Variants in ADAMTS4 observed in about 807,000 individuals in gnomAD.
ADAMTS4 encodes the protein ADAM metallopeptidase with thrombospondin type 1 motif 4.
In ADAMTS4, 38 loss-of-function variants were observed where a neutral mutation model predicts 66.7. The ratio of observed to expected loss-of-function variants is 0.57; its 90% CI spans 0.44 to 0.75. ADAMTS4 has a LOEUF of 0.75. Among genes scored for constraint, ADAMTS4 ranks in the 30% least tolerant of loss-of-function variants. The pLI is 0.00. For synonymous variants in ADAMTS4, 418 were observed against 461.5 expected, an observed-to-expected ratio of 0.91 and a Z score of 1.21; for missense variants, 1,014 against 1,116.7, an observed-to-expected ratio of 0.91 and a Z score of 1.31.
rs1033019479 is a variant in ADAMTS4 at position 161,186,333 on chromosome 1, C to T, written c.*4805G>A. Reference sequence around the variant, plus strand: ...TCTTGGAGGTGTGGTAAGGCAGAGACCATTCCAGAAAAGGGTCAGGCCTTG... The same window carrying T: ...TCTTGGAGGTGTGGTAAGGCAGAGATCATTCCAGAAAAGGGTCAGGCCTTG... On this transcript the variant is annotated 3_prime_UTR_variant, in exon 9 of 9. Transcript: ENST00000367996. 3 of 152,252 alleles carry T rather than the reference C, an allele frequency of 2.0e-5. No homozygotes were observed. Among genetic ancestry groups the T allele is most frequent in the Non-Finnish European group, 2.9e-5 (2 of 68,058 alleles). The allele number at this position is 152,252 out of a possible 1,614,324, so 9.4% of individuals were successfully genotyped here. A position where few individuals can be genotyped will look rare whatever the true frequency, so the allele number is the denominator to read the frequency against.
At position 161,188,123 on chromosome 1, in the gene ADAMTS4, G is replaced by A. The variant is rs945664303; in HGVS notation, c.*3015C>T. The A allele has an allele frequency of 2.8e-5, 4 of 145,028 alleles. No homozygotes were observed. Among genetic ancestry groups the A allele is most frequent in the African/African-American group, 1.0e-4 (4 of 39,156 alleles). 9.0% of individuals were successfully genotyped at this position (145,028 alleles called of 1,614,324 possible). A position where few individuals can be genotyped will look rare whatever the true frequency, so the allele number is the denominator to read the frequency against. On this transcript the variant is annotated 3_prime_UTR_variant, in exon 9 of 9. Coordinates refer to ENST00000367996, the MANE Select transcript of ADAMTS4 (RefSeq NM_005099.6). ...TGCCACCACACCTGGCTAATTTTTT[G>A]TATTTTTTTTTTAGTAGAGATGGGG...
rs745715821 is a variant in ADAMTS4, at chr1:161,193,844, G to A, written c.1549-18C>T. 18 of 1,586,876 alleles carry A rather than the reference G, an allele frequency of 1.1e-5. No individual in the cohort carries two copies. Among genetic ancestry groups the A allele is most frequent in the South Asian group, 2.3e-5 (2 of 86,024 alleles). On this transcript the variant is annotated intron_variant, in intron 5 of 8. Transcript: ENST00000367996. The surrounding 1 kb of genome is among the most constrained non-coding windows in gnomAD (Gnocchi z 4.4). ...TGTGGAATCTGCAAAGGCACAGAAC[G>A]GAAGTGGGGCATAAGTGAACTCTCT...
At position 161,195,614 on chromosome 1, in the gene ADAMTS4, T is replaced by C; in HGVS notation, c.1112A>G (p.His371Arg). The change falls in exon 4 of 9, where the codon CAT becomes CGT. Residue 371 changes from histidine to arginine, a missense_variant. By Grantham distance (29) the His-to-Arg change is conservative. Transcript: ENST00000367996. ...HELGHVFNMLHDNSKPCISLN... is the reference protein window; with the variant it reads ...HELGHVFNMLRDNSKPCISLN... ...ACTGATGCATGGCTTGGAGTTGTCATGGAGCATGTTGAAGACATGACCTGT... is the reference window on the plus strand; with the variant it reads ...ACTGATGCATGGCTTGGAGTTGTCACGGAGCATGTTGAAGACATGACCTGT... The C allele has an allele frequency of 6.2e-7, 1 of 1,613,222 alleles. No individual in the cohort carries two copies.
At chr1:161,195,382 A>T in intron 4 of ADAMTS4, 83 bp downstream of exon 4, 1 of 1,447,438 alleles carries the variant, frequency 6.9e-7, no homozygotes, top group Non-Finnish European at 9.3e-7. Flanking sequence ...AATTTGGTCC[A>T]TGCAGAATGC....
In ADAMTS4 at chr1:161,194,169, G is replaced by C. The variant is rs1358392588; in HGVS notation, c.1314C>G (p.Phe438Leu). 7.4e-6 allele frequency: 12 copies of C among 1,614,064 alleles called. No individual in the cohort carries two copies. The highest frequency in any genetic ancestry group is 1.3e-5 in the African/African-American group (1 of 74,932). ...PEAPLHLPVT[F>L]PGKDYDADRQ... ...GGTCAGCATCATAGTCCTTGCCAGG[G>C]AAAGTCACAGGCAGATGCAATGGAG... is the stretch of plus-strand genomic sequence containing the variant. Residue 438 changes from phenylalanine to leucine, a missense_variant, in exon 5 of 9, where the codon TTC (phenylalanine) becomes TTG (leucine). Physicochemically the swap from Phe to Leu is conservative, Grantham distance 22 (BLOSUM62 0). Coordinates refer to ENST00000367996, the MANE Select transcript of ADAMTS4 (RefSeq NM_005099.6). This position sits in a 1 kb window ranked among gnomAD's most constrained non-coding sequence, Gnocchi z 4.1.
In ADAMTS4 at chr1:161,193,419, T is replaced by C. The variant is rs774172969; in HGVS notation, c.1736-31A>G. 8.9e-5 allele frequency: 143 copies of C among 1,603,838 alleles called. No homozygotes were observed. Among genetic ancestry groups the C allele is most frequent in the Non-Finnish European group, 1.1e-4 (133 of 1,173,944 alleles). On this transcript the variant is annotated intron_variant, in intron 6 of 8. Coordinates refer to ENST00000367996, the MANE Select transcript of ADAMTS4 (RefSeq NM_005099.6). The surrounding 1 kb of genome is among the most constrained non-coding windows in gnomAD (Gnocchi z 4.4). ...GGGGTAAAACAGTCAGAGCCCCTCC[T>C]TCCTTCCTCACATCACCCCACATCC... is the stretch of plus-strand genomic sequence containing the variant.
intron 4 of ADAMTS4, 83 bp downstream of exon 4, chr1:161,195,382 A>G (rs1664785925): frequency 6.9e-7 from 1 of 1,447,320 alleles, no homozygotes; most frequent in African/African-American, 1.4e-5. Context: ...AATTTGGTCC[A>G]TGCAGAATGC....
Position 161,198,445 on chromosome 1 carries a change from G to T in ADAMTS4, c.183C>A (p.Ile61=), listed in dbSNP as rs774071976. ...LASPLPREEE[I]VFPEKLNGSV... ...TGCCGTTGAGCTTCTCTGGAAACAC[G>T]ATCTCCTCCTCCCGGGGGAGGGGGC... The change falls in exon 1 of 9, where the codon ATC becomes ATA. Residue 61 remains isoleucine, a synonymous_variant. Coordinates refer to ENST00000367996, the MANE Select transcript of ADAMTS4 (RefSeq NM_005099.6). This position sits in a 1 kb window ranked among gnomAD's most constrained non-coding sequence, Gnocchi z 4.7. 3 of 1,582,144 alleles carry T rather than the reference G, an allele frequency of 1.9e-6. No homozygotes were observed.
Position 161,191,290 on chromosome 1 carries a change from C to T in ADAMTS4, c.2362G>A (p.Ala788Thr). ...AQPLTLQVLV[A>T]GNPQDTRLRY... ...AGGCGTGTGTCCTGGGGGTTGCCAG[C>T]CACTAGGACTTGCAGTGTCAAAGGC... Residue 788 changes from alanine to threonine, a missense_variant, in exon 9 of 9, where the codon GCT becomes ACT. Ala to Thr is a moderately conservative substitution (Grantham distance 58). Transcript: ENST00000367996. The T allele has an allele frequency of 3.1e-6, 5 of 1,613,940 alleles. No individual in the cohort carries two copies. Among genetic ancestry groups the T allele is most frequent in the Non-Finnish European group, 4.2e-6 (5 of 1,180,024 alleles).
rs1234256755 is a variant in ADAMTS4 at position 161,192,546 on chromosome 1, G to A, written c.1912-306C>T. 3.9e-5 allele frequency among the ~76,000 whole-genome samples: 6 copies of A among 152,066 alleles called. No homozygotes were observed. The South Asian group carries it at 8.3e-4, about 21-fold the overall frequency. Reference sequence around the variant, plus strand: ...TATTTGAGGTTTTTAGGGATGGAACGTTGAGGTTTAGAAAAGCTAAAGAAC... The same window carrying A: ...TATTTGAGGTTTTTAGGGATGGAACATTGAGGTTTAGAAAAGCTAAAGAAC... On this transcript the variant is annotated intron_variant, in intron 7 of 8. Coordinates refer to ENST00000367996, the MANE Select transcript of ADAMTS4 (RefSeq NM_005099.6).
At position 161,191,254 on chromosome 1, in the gene ADAMTS4, A is replaced by C. The variant is rs114152196; in HGVS notation, c.2398T>G (p.Phe800Val). 1.2e-6 allele frequency: 2 copies of C among 1,613,762 alleles called. No homozygotes were observed. Among genetic ancestry groups the C allele is most frequent in the African/African-American group, 2.7e-5 (2 of 75,052 alleles). Residue 800 changes from phenylalanine to valine, a missense_variant, in exon 9 of 9, where the codon TTC (phenylalanine) becomes GTC (valine). By Grantham distance (50) the Phe-to-Val change is conservative. Transcript: ENST00000367996. ...NPQDTRLRYSFFVPRPTPSTP... is the reference protein window; with the variant it reads ...NPQDTRLRYSVFVPRPTPSTP... ...GAAGGGGTCGGCCGGGGCACGAAGA[A>C]GCTGTATCGGAGGCGTGTGTCCTGG...
chr1:161,197,312 C>G (rs1351950583), intron 1 of ADAMTS4: 1 of 171,428 alleles, frequency 5.8e-6, no homozygotes, highest in Admixed American at 5.9e-5. Flanking sequence ...GGGCCAGGGC[C>G]AGAGCTCAGC....
chr1:161,191,909 G>A (rs1171818567), intron 8 of ADAMTS4, among the ~76,000 whole-genome samples, 156 bp downstream of exon 8: 2 of 152,140 alleles, frequency 1.3e-5, no homozygotes. Flanking sequence ...TCCAACTTCG[G>A]ATGAATACAT....
rs375859833 is a variant in ADAMTS4 at position 161,193,624 on chromosome 1, C to A, written c.1735+16G>T. 3 of 1,595,376 alleles carry A rather than the reference C, an allele frequency of 1.9e-6. No homozygotes were observed. The highest frequency in any genetic ancestry group is 3.4e-5 in the Admixed American group (2 of 58,414). On this transcript the variant is annotated intron_variant, in intron 6 of 8. Transcript: ENST00000367996. This position sits in a 1 kb window ranked among gnomAD's most constrained non-coding sequence, Gnocchi z 4.4. ...ACTGTCCCCTCCCAAGGGCTCCCAT[C>A]CCCCCTACTCCTCACCTGAGCCAGT...
intron 1 of ADAMTS4, chr1:161,197,099 G>C (rs1664873789): frequency 3.7e-6 from 2 of 533,970 alleles, no homozygotes. Context: ...TCAGCAGCTG[G>C]TTCTAAGAAG....
Position 161,191,207 on chromosome 1 carries a change from C to T in ADAMTS4, c.2445G>A (p.Gln815=). The T allele has an allele frequency of 6.2e-7, 1 of 1,609,898 alleles. No homozygotes were observed. Among genetic ancestry groups the T allele is most frequent in the East Asian group, 2.2e-5 (1 of 44,782 alleles). ...PTPSTPRPTP[Q]DWLHRRAQIL... is the part of the protein sequence containing the mutation. ...TCTGTGCTCTTCGGTGCAGCCAGTC[C>T]TGGGGAGTGGGGCGTGGCGTTGAAG... is the stretch of plus-strand genomic sequence containing the variant. The change falls in exon 9 of 9, where the codon CAG becomes CAA. Residue 815 remains glutamine (Q), a synonymous_variant. Transcript: ENST00000367996.
rs1664684357 is a variant in ADAMTS4 at position 161,191,582 on chromosome 1, A to G, written c.2088-18T>C. The G allele has an allele frequency of 1.3e-6, 2 of 1,589,074 alleles. No homozygotes were observed. The highest frequency in any genetic ancestry group is 1.7e-6 in the Non-Finnish European group (2 of 1,164,692). ...ATCCGTACCTGTGTGGAAGGAGTAG[A>G]TGGGGAGCTCAGGATCACCTGAATC... On this transcript the variant is annotated intron_variant, in intron 8 of 8. Transcript: ENST00000367996.
chr1:161,196,264 C>A lies in ADAMTS4; in HGVS notation c.997G>T (p.Ala333Ser), dbSNP rs758870997. 8 of 1,613,702 alleles carry A rather than the reference C, an allele frequency of 5.0e-6. No individual in the cohort carries two copies. In the South Asian group the frequency reaches 6.6e-5, roughly 13 times the overall value. ...GGGTCACAGACGGTGCCCACATCAG[C>A]CATACCCAGCGTGTCGCAAGTGGAG... ...GVSTCDTLGMADVGTVCDPAR... is the reference protein window; with the variant it reads ...GVSTCDTLGMSDVGTVCDPAR... The change falls in exon 3 of 9, where the codon GCT becomes TCT. Residue 333 changes from alanine to serine, a missense_variant. Ala to Ser is a moderately conservative substitution (Grantham distance 99, BLOSUM62 1). Transcript: ENST00000367996.
Position 161,191,155 on chromosome 1 carries a change from A to G in ADAMTS4, c.2497T>C (p.Trp833Arg). The change falls in exon 9 of 9, where the codon TGG becomes CGG. Residue 833 changes from tryptophan (W) to arginine (R), a missense_variant. Physicochemically the swap from Trp to Arg is moderately radical, Grantham distance 101. Coordinates refer to ENST00000367996, the MANE Select transcript of ADAMTS4 (RefSeq NM_005099.6). ...QILEILRRRP[W>R]AGRK ...TAGTGAGGTTATTTCCTGCCCGCCC[A>G]GGGGCGCCGCCGAAGGATCTCCAGA... 6.4e-7 allele frequency: 1 copy of G among 1,559,542 alleles called. No homozygotes were observed. Among genetic ancestry groups the G allele is most frequent in the Non-Finnish European group, 8.7e-7 (1 of 1,147,484 alleles).
Sources: gnomAD v4.1 joint callset for allele counts (sites outside exome capture counted in the v4.1 genomes callset) on GRCh38, gnomAD v4.1.1 for gene constraint, Gnocchi (gnomAD v3.1) non-coding constraint, MANE v1.5 for transcripts, NCBI Gene and HGNC (gene_info 2026-07-23, HGNC 2026-07-21) for gene names.